Variants in SYT16 observed in about 807,000 individuals in gnomAD.
The protein encoded by SYT16 is synaptotagmin-16.
Under a neutral mutation model 61.4 loss-of-function variants are expected in SYT16, and 42 were observed. The observed-to-expected ratio is 0.68, with a 90% confidence interval of 0.53 to 0.89. The LOEUF (loss-of-function observed/expected upper bound fraction) is 0.89. Among genes scored for constraint, SYT16 ranks in the 40% least tolerant of loss-of-function variants. SYT16 has a pLI of 0.00. For missense variants in SYT16, 804 were observed against 807.3 expected, an observed-to-expected ratio of 1.00 and a Z score of 0.05; for synonymous variants, 314 against 302.3, an observed-to-expected ratio of 1.04 and a Z score of -0.40.
At chr14:61,854,261 T>C (rs904852535) in intron 1 of SYT16, among the ~76,000 whole-genome samples, 1 of 152,260 alleles carries the variant, frequency 6.6e-6, no homozygotes, top group African/African-American at 2.4e-5. Flanking sequence ...GGTATTTATA[T>C]ATCTAGTGAT....
chr14:61,875,180 G>A (rs575645372), intron 1 of SYT16, among the ~76,000 whole-genome samples: 1 of 152,204 alleles, frequency 6.6e-6, no homozygotes, highest in Non-Finnish European at 1.5e-5. Flanking sequence ...GGGCTGCTCT[G>A]TGCATCACCT....
chr14:62,020,296 T>C (rs1261876882), intron 3 of SYT16, among the ~76,000 whole-genome samples: 1 of 152,176 alleles, frequency 6.6e-6, no homozygotes, highest in Non-Finnish European at 1.5e-5. Context: ...ACATGCCACC[T>C]CACTCAAGTT....
chr14:61,847,634 T>G (rs1273846527), intron 1 of SYT16, among the ~76,000 whole-genome samples: 2 of 152,320 alleles, frequency 1.3e-5, no homozygotes, highest in East Asian at 3.9e-4. Flanking sequence ...ATTACTCCTT[T>G]GAATAAACTT....
intron 3 of SYT16, among the ~76,000 whole-genome samples, chr14:62,043,947 A>G (rs1233347421): frequency 6.6e-6 from 1 of 152,168 alleles, no homozygotes; most frequent in Admixed American, 6.5e-5. Context: ...TGCTGGGATT[A>G]CAGGCATGAA....
Position 61,833,787 on chromosome 14 carries a change from C to T in SYT16, c.-325+20977C>T, listed in dbSNP as rs149334484. 2.9e-3 allele frequency among the ~76,000 whole-genome samples: 418 copies of T among 145,306 alleles called. 2 individuals are homozygous for T. The highest frequency in any genetic ancestry group is 0.01 in the African/African-American group (398 of 39,598). On this transcript the variant is annotated intron_variant, in intron 1 of 7. Coordinates refer to ENST00000683842, the MANE Select transcript of SYT16 (RefSeq NM_001367656.1). ...CAGCAGCTTCCTCGCTCTTTCTTTG[C>T]GCTAGCGAGCAGGCTGTGTACAGTT...
At chr14:62,076,475 G>A (rs901974379) in intron 5 of SYT16, among the ~76,000 whole-genome samples, 1 of 151,662 alleles carries the variant, frequency 6.6e-6, no homozygotes, top group African/African-American at 2.4e-5. Context: ...AGAAAACCCT[G>A]TTTCCAAGCC....
intron 5 of SYT16, among the ~76,000 whole-genome samples, chr14:62,078,122 TCTCTAGTGCTCTCTCG>T (rs1332849782): frequency 1.3e-4 from 19 of 149,750 alleles, no homozygotes; most frequent in Non-Finnish European, 4.4e-5. Context: ...TCTCTCTCTC[TCTCTAGTGCTCTCTCG>T]CTCTCTCTCT....
intron 3 of SYT16, among the ~76,000 whole-genome samples, chr14:62,032,322 G>A (rs1466132633): frequency 6.6e-6 from 1 of 152,078 alleles, no homozygotes; most frequent in Non-Finnish European, 1.5e-5. Context: ...AAACCATTTA[G>A]TCTTTGTGGC....
chr14:61,888,587 A>T (rs58040281), intron 1 of SYT16, among the ~76,000 whole-genome samples: 44,731 of 152,020 alleles, frequency 0.29, 6,783 homozygotes, highest in Admixed American at 0.31. Flanking sequence ...AAACAATTAC[A>T]ATATTAACAT....
chr14:62,091,947 T>C (rs2057091213), intron 7 of SYT16, among the ~76,000 whole-genome samples: 1 of 152,112 alleles, frequency 6.6e-6, no homozygotes, highest in African/African-American at 2.4e-5. Flanking sequence ...GCAAATTATA[T>C]ATCTGATAAC....
intron 1 of SYT16, among the ~76,000 whole-genome samples, chr14:61,834,878 A>G (rs1221688671): frequency 6.6e-6 from 1 of 152,226 alleles, no homozygotes; most frequent in Non-Finnish European, 1.5e-5. Flanking sequence ...TGTTGTTTGA[A>G]AAAGATGTGT....
intron 1 of SYT16, among the ~76,000 whole-genome samples, chr14:61,895,105 C>T (rs537042681): frequency 6.6e-6 from 1 of 152,006 alleles, no homozygotes; most frequent in African/African-American, 2.4e-5. Context: ...AAGTTGGTAT[C>T]GTTAATGGCA....
At chr14:61,857,579 G>A (rs1225432532) in intron 1 of SYT16, among the ~76,000 whole-genome samples, 1 of 152,170 alleles carries the variant, frequency 6.6e-6, no homozygotes, top group Non-Finnish European at 1.5e-5. Flanking sequence ...GGGCTGGAAA[G>A]AGCATATAGA....
At chr14:61,953,040 G>A (rs1704471542) in intron 1 of SYT16, among the ~76,000 whole-genome samples, 1 of 152,164 alleles carries the variant, frequency 6.6e-6, no homozygotes, top group South Asian at 2.1e-4. Context: ...AAGTATCACA[G>A]ACTTTGTTCT....
In SYT16 at chr14:62,107,873, C is replaced by T. The variant is rs1163304137; in HGVS notation, c.*7166C>T. On this transcript the variant is annotated 3_prime_UTR_variant, in exon 8 of 8. Coordinates refer to ENST00000683842, the MANE Select transcript of SYT16 (RefSeq NM_001367656.1). ...TATTCTTGACTTTTATAATTAAATA[C>T]TGAATGCCCTTTGCAAGACAGTAAG... 6.6e-6 allele frequency: 1 copy of T among 152,142 alleles called. No individual in the cohort carries two copies. Among genetic ancestry groups the T allele is most frequent in the Non-Finnish European group, 1.5e-5 (1 of 68,020 alleles). The allele number at this position is 152,142 out of a possible 1,614,324, so 9.4% of individuals were successfully genotyped here.
intron 3 of SYT16, among the ~76,000 whole-genome samples, chr14:62,051,286 T>A (rs1033518137): frequency 2.6e-5 from 4 of 152,202 alleles, no homozygotes; most frequent in Non-Finnish European, 5.9e-5. Flanking sequence ...CGGGATATAA[T>A]CTCCTGGTGT....
At chr14:61,868,511 T>C (rs1274022977) in intron 1 of SYT16, among the ~76,000 whole-genome samples, 1 of 151,972 alleles carries the variant, frequency 6.6e-6, no homozygotes, top group Non-Finnish European at 1.5e-5. Flanking sequence ...TTTGTCTTCA[T>C]TTTTATTCAT....
chr14:62,098,333 AG>A (rs1376567115), intron 7 of SYT16, among the ~76,000 whole-genome samples: 2 of 152,246 alleles, frequency 1.3e-5, no homozygotes, highest in Non-Finnish European at 2.9e-5. Context: ...TTGAGTTTTA[AG>A]GAGAATAATG....
intron 2 of SYT16, among the ~76,000 whole-genome samples, chr14:61,975,111 G>C (rs1329406363): frequency 6.6e-6 from 1 of 152,204 alleles, no homozygotes; most frequent in African/African-American, 2.4e-5. Context: ...ACTTACAATG[G>C]TGTTAATTCC....
Sources: gnomAD v4.1 joint callset for allele counts (sites outside exome capture counted in the v4.1 genomes callset) on GRCh38, gnomAD v4.1.1 for gene constraint, MANE v1.5 for transcripts, NCBI Gene and HGNC (gene_info 2026-07-23, HGNC 2026-07-21) for gene names.